Variants in PTPRO observed in about 807,000 individuals in gnomAD.
PTPRO encodes the protein protein tyrosine phosphatase receptor type O, also known as receptor-type tyrosine-protein phosphatase O.
PTPRO carries 62 observed loss-of-function variants against 145.2 expected under a neutral mutation model. The ratio of observed to expected loss-of-function variants is 0.43; its 90% CI spans 0.35 to 0.53. The LOEUF is 0.53. Among genes scored for constraint, PTPRO ranks in the 20% least tolerant of loss-of-function variants. The pLI, the probability that PTPRO is intolerant of heterozygous loss-of-function variation, is 0.01. For synonymous variants in PTPRO, 565 were observed against 514.7 expected, an observed-to-expected ratio of 1.10 and a Z score of -1.32; for missense variants, 1,345 against 1,482.7, an observed-to-expected ratio of 0.91 and a Z score of 1.53.
At chr12:15,336,811 G>A (rs941806125) in intron 1 of PTPRO, among the ~76,000 whole-genome samples, 1 of 152,118 alleles carries the variant, frequency 6.6e-6, no homozygotes, top group Non-Finnish European at 1.5e-5. Flanking sequence ...TAATCTTGGA[G>A]GAAAATTTCT....
intron 1 of PTPRO, among the ~76,000 whole-genome samples, chr12:15,436,858 T>C (rs1265822157): frequency 6.6e-6 from 1 of 152,112 alleles, no homozygotes; most frequent in East Asian, 1.9e-4. Flanking sequence ...TTGTGCTCTC[T>C]CCCATCACAG....
At chr12:15,468,579 C>T (rs1030892661) in intron 1 of PTPRO, among the ~76,000 whole-genome samples, 4 of 152,202 alleles carry the variant, frequency 2.6e-5, no homozygotes, top group Non-Finnish European at 1.5e-5. Context: ...TAGGCTGCAG[C>T]CACCTGCTAG....
At chr12:15,433,356 T>C (rs1449907013) in intron 1 of PTPRO, among the ~76,000 whole-genome samples, 1 of 152,092 alleles carries the variant, frequency 6.6e-6, no homozygotes, top group African/African-American at 2.4e-5. Context: ...TTTGTATTTG[T>C]ATTTTTTTAG....
chr12:15,467,570 A>G (rs916929208), intron 1 of PTPRO, among the ~76,000 whole-genome samples: 7 of 152,048 alleles, frequency 4.6e-5, no homozygotes, highest in African/African-American at 1.7e-4. Flanking sequence ...TCTCCTAACT[A>G]ATGCAGTCAT....
chr12:15,340,481 T>C (rs1385748362), intron 1 of PTPRO, among the ~76,000 whole-genome samples: 1 of 152,200 alleles, frequency 6.6e-6, no homozygotes, highest in African/African-American at 2.4e-5. Context: ...CGGTTTCTTT[T>C]TTCTGTCCGT....
intron 1 of PTPRO, among the ~76,000 whole-genome samples, chr12:15,415,823 C>T (rs993361208): frequency 3.3e-5 from 5 of 151,704 alleles, no homozygotes; most frequent in African/African-American, 1.2e-4. Flanking sequence ...GACAACCAGC[C>T]TGAACTATTA....
chr12:15,385,007 A>G (rs1429803458), intron 1 of PTPRO, among the ~76,000 whole-genome samples: 32 of 152,246 alleles, frequency 2.1e-4, no homozygotes, highest in Non-Finnish European at 1.9e-4. Context: ...ATGTATGCAC[A>G]CAGGATTATC....
chr12:15,587,198 C>T, intron 24 of PTPRO, 147 bp downstream of exon 24: 1 of 868,076 alleles, frequency 1.2e-6, no homozygotes, highest in Non-Finnish European at 1.8e-6. Context: ...TGATGTCTCA[C>T]TATATACAAT....
chr12:15,522,586 A>G (rs763221444), intron 10 of PTPRO, among the ~76,000 whole-genome samples: 2 of 152,140 alleles, frequency 1.3e-5, no homozygotes, highest in Non-Finnish European at 1.5e-5. Flanking sequence ...TAAGAATCTC[A>G]TGCTTAACTT....
Position 15,415,589 on chromosome 12 carries a change from G to T in PTPRO, c.76-68385G>T, listed in dbSNP as rs1205638780. On this transcript the variant is annotated intron_variant, in intron 1 of 26. Transcript: ENST00000281171. ...TTAGTAGAGACGGGGTTTCACTCAT[G>T]TTAGCCAGGATGGTCTCGATCTCCC... Among the ~76,000 whole-genome samples, 4 of 150,860 alleles carry T rather than the reference G, an allele frequency of 2.7e-5. 1 individual carries two copies. Among genetic ancestry groups the T allele is most frequent in the African/African-American group, 7.4e-5 (3 of 40,330 alleles).
intron 12 of PTPRO, among the ~76,000 whole-genome samples, chr12:15,531,412 T>A (rs906086934): frequency 1.3e-5 from 2 of 152,178 alleles, no homozygotes; most frequent in Non-Finnish European, 1.5e-5. Flanking sequence ...ACAGATACTT[T>A]AACATTCTTG....
At chr12:15,534,218 C>T (rs1206270720) in intron 12 of PTPRO, among the ~76,000 whole-genome samples, 1 of 151,946 alleles carries the variant, frequency 6.6e-6, no homozygotes, top group Non-Finnish European at 1.5e-5. Flanking sequence ...GTGAATCAAC[C>T]TGGATCCCTG....
At chr12:15,589,431 T>C in intron 24 of PTPRO, 24 bp from the exon 25 acceptor site, 3 of 1,613,346 alleles carry the variant, frequency 1.9e-6, no homozygotes, top group Admixed American at 1.7e-5. Context: ...CTGAATAATA[T>C]GCCATCGGAA....
intron 1 of PTPRO, among the ~76,000 whole-genome samples, chr12:15,360,816 A>G (rs546816627): frequency 2.0e-4 from 27 of 137,018 alleles, no homozygotes; most frequent in Non-Finnish European, 3.7e-4. Flanking sequence ...ATACGTGTGT[A>G]TATATGTGTG....
chr12:15,591,529 C>T (rs1944552980), intron 25 of PTPRO, among the ~76,000 whole-genome samples: 1 of 152,150 alleles, frequency 6.6e-6, no homozygotes, highest in Non-Finnish European at 1.5e-5. Context: ...GCCACCATGT[C>T]GCTTTCTGCA....
In PTPRO at chr12:15,434,233, G is replaced by A. The variant is rs545373873; in HGVS notation, c.76-49741G>A. Among the ~76,000 whole-genome samples the A allele has an allele frequency of 2.4e-4, 36 of 152,266 alleles. No homozygotes were observed. In the South Asian group the frequency reaches 7.3e-3, roughly 31 times the overall value. On this transcript the variant is annotated intron_variant, in intron 1 of 26. Transcript: ENST00000281171. ...TTTAAACTTGCCTTTTTAGTTGAAAGCAAACATAAACTCAGCTGTAATATC... is the reference window on the plus strand; with the variant it reads ...TTTAAACTTGCCTTTTTAGTTGAAAACAAACATAAACTCAGCTGTAATATC...
At chr12:15,475,647 A>G (rs1323036838) in intron 1 of PTPRO, among the ~76,000 whole-genome samples, 3 of 152,154 alleles carry the variant, frequency 2.0e-5, no homozygotes, top group African/African-American at 7.2e-5. Flanking sequence ...AAATTTTCCA[A>G]TAGGTTAAAA....
At chr12:15,570,451 G>C (rs1375486044) in intron 19 of PTPRO, among the ~76,000 whole-genome samples, 2 of 152,044 alleles carry the variant, frequency 1.3e-5, no homozygotes, top group Non-Finnish European at 2.9e-5. Context: ...AAAAGCATCA[G>C]TGGTCCTGGT....
At chr12:15,525,928 T>C (rs952970636) in intron 11 of PTPRO, among the ~76,000 whole-genome samples, 1 of 152,220 alleles carries the variant, frequency 6.6e-6, no homozygotes, top group African/African-American at 2.4e-5. Context: ...ATTTTTCTGA[T>C]GTATATAATG....
Sources: gnomAD v4.1 joint callset for allele counts (sites outside exome capture counted in the v4.1 genomes callset) on GRCh38, gnomAD v4.1.1 for gene constraint, MANE v1.5 for transcripts, NCBI Gene and HGNC (gene_info 2026-07-23, HGNC 2026-07-21) for gene names.